The following TFB2M variants were observed in gnomAD, a reference collection of about 807,000 sequenced individuals.
The protein encoded by TFB2M is dimethyladenosine transferase 2, mitochondrial.
A neutral mutation model predicts 41.3 loss-of-function variants in TFB2M; 44 were observed. That is an observed-to-expected ratio of 1.07 (90% CI 0.84 to 1.37). The LOEUF (loss-of-function observed/expected upper bound fraction) is 1.37, where lower values mean the gene tolerates loss of function less well. Among genes scored for constraint, TFB2M ranks in the 40% most tolerant of loss-of-function variants. The probability of loss-of-function intolerance (pLI) is 0.00; values close to 1 mark genes in which losing one functional copy is unlikely to be tolerated. For synonymous variants in TFB2M, 188 were observed against 176.8 expected (o/e 1.06, Z -0.50); for missense variants, 496 against 490.2 (o/e 1.01, Z -0.11).
chr1:246,558,455 TTTC>T (rs1659380020), intron 2 of TFB2M, among the ~76,000 whole-genome samples: 1 of 152,114 alleles, frequency 6.6e-6, no homozygotes, highest in African/African-American at 2.4e-5. Flanking sequence ...CCCCACTTAC[TTTC>T]TTTATCATAA....
At chr1:246,557,052 T>C (rs540390578) in intron 3 of TFB2M, among the ~76,000 whole-genome samples, 7 of 152,028 alleles carry the variant, frequency 4.6e-5, no homozygotes, top group Middle Eastern at 3.2e-3. Context: ...AGCGGGCAGA[T>C]CACTTGAGGG....
At chr1:246,552,375 C>T (rs1306848117) in intron 4 of TFB2M, among the ~76,000 whole-genome samples, 1 of 152,194 alleles carries the variant, frequency 6.6e-6, no homozygotes, top group Non-Finnish European at 1.5e-5. Flanking sequence ...TCAAGGTTGT[C>T]AGGAAGACCT....
intron 3 of TFB2M, 38 bp downstream of exon 3, chr1:246,557,343 A>C (rs529235893): frequency 6.3e-7 from 1 of 1,591,244 alleles, no homozygotes; most frequent in African/African-American, 1.4e-5. Context: ...ACACCTGGCA[A>C]ATTCTAGGTA....
rs142564283 is a variant in TFB2M, at chr1:246,551,665, G to A, written c.706-363C>T. Among the ~76,000 whole-genome samples, 220 of 151,912 alleles carry A rather than the reference G, an allele frequency of 1.4e-3. 3 individuals are homozygous for A. The highest frequency in any genetic ancestry group is 5.1e-3 in the African/African-American group (211 of 41,494). The stretch of plus-strand genomic sequence containing the variant: ...GAGCCTAGAAGTTCAAGACCAGCCT[G>A]GGCAACATAGTGAGACCGCATCTCT... On this transcript the variant is annotated intron_variant, in intron 4 of 7. Coordinates refer to ENST00000366514, the MANE Select transcript of TFB2M (RefSeq NM_022366.3).
chr1:246,555,793 A>G (rs1659305993), intron 4 of TFB2M, among the ~76,000 whole-genome samples: 1 of 151,788 alleles, frequency 6.6e-6, no homozygotes, highest in Non-Finnish European at 1.5e-5. Flanking sequence ...ATATATATAC[A>G]ATAGATTTTT....
rs143882766 is a variant in TFB2M, at chr1:246,541,046, G to A, written c.1176C>T (p.Thr392=). The part of the protein sequence containing the change: ...DCAYKWLYDE[T]LEDR ...AGTCTAGTTGCTACCTATCTTCCAG[G>A]GTTTCATCATACAGCCATTTATAAG... The change falls in exon 8 of 8, where the codon ACC becomes ACT. Residue 392 remains threonine (T), a synonymous_variant. Coordinates refer to ENST00000366514, the MANE Select transcript of TFB2M (RefSeq NM_022366.3). The A allele has an allele frequency of 3.3e-3, 5,256 of 1,610,744 alleles. 13 individuals are homozygous for A. The highest frequency in any genetic ancestry group is 3.8e-3 in the Non-Finnish European group (4,426 of 1,178,444).
chr1:246,554,332 T>A (rs1659263548), intron 4 of TFB2M, among the ~76,000 whole-genome samples: 1 of 152,160 alleles, frequency 6.6e-6, no homozygotes. Flanking sequence ...CCGTGTCCTG[T>A]TAGAAACTGG....
rs572375552 is a variant in TFB2M, at chr1:246,553,681, C to T, written c.706-2379G>A. Among the ~76,000 whole-genome samples, 50 of 152,156 alleles carry T rather than the reference C, an allele frequency of 3.3e-4. 2 individuals are homozygous for T. The South Asian group carries it at 0.01, about 32-fold the overall frequency. On this transcript the variant is annotated intron_variant, in intron 4 of 7. Coordinates refer to ENST00000366514, the MANE Select transcript of TFB2M (RefSeq NM_022366.3). ...ACCCTGTGTCAAACAAAAATGAAAA[C>T]AACAACAACAACAAAACCCACAAAT... is the stretch of plus-strand genomic sequence containing the variant.
intron 4 of TFB2M, among the ~76,000 whole-genome samples, chr1:246,552,364 A>T (rs1241897936): frequency 1.3e-5 from 2 of 152,222 alleles, no homozygotes; most frequent in African/African-American, 4.8e-5. Context: ...TCATAGCGAG[A>T]TCAAGGTTGT....
intron 2 of TFB2M, 110 bp from the exon 3 acceptor site, chr1:246,557,644 T>C (rs1223896591): frequency 8.6e-6 from 8 of 925,816 alleles, no homozygotes; most frequent in South Asian, 2.1e-5. Context: ...AAAATAAAAA[T>C]AATTCAATTA....
At chr1:246,547,949 T>A (rs1335357181) in intron 6 of TFB2M, among the ~76,000 whole-genome samples, 1 of 24,520 alleles carries the variant, frequency 4.1e-5, no homozygotes, top group Non-Finnish European at 2.4e-4. Flanking sequence ...TATCACAATT[T>A]TTTTTTTTTT....
chr1:246,546,983 A>ACACACACACACACACACACACACACTT (rs764498048), intron 6 of TFB2M, among the ~76,000 whole-genome samples: 1 of 127,180 alleles, frequency 7.9e-6, no homozygotes, highest in African/African-American at 3.0e-5. Flanking sequence ...ACACACACAC[A>ACACACACACACACACACACACACACTT]TTTTTTTTTT....
At chr1:246,553,847 C>G (rs1659246498) in intron 4 of TFB2M, among the ~76,000 whole-genome samples, 1 of 152,176 alleles carries the variant, frequency 6.6e-6, no homozygotes, top group African/African-American at 2.4e-5. Flanking sequence ...ACAGAAAAAT[C>G]CAGCCTAAAA....
At chr1:246,546,903 C>A (rs988786624) in intron 6 of TFB2M, among the ~76,000 whole-genome samples, 1 of 151,186 alleles carries the variant, frequency 6.6e-6, no homozygotes, top group Admixed American at 6.6e-5. Flanking sequence ...AAAATAAATT[C>A]TGTCATAAAA....
chr1:246,557,125 A>C (rs1659344718), intron 3 of TFB2M, among the ~76,000 whole-genome samples: 1 of 152,086 alleles, frequency 6.6e-6, no homozygotes, highest in Non-Finnish European at 1.5e-5. Context: ...AATACAAAAA[A>C]ATAACCAGGT....
At position 246,548,549 on chromosome 1, in the gene TFB2M, C is replaced by G; in HGVS notation, c.854G>C (p.Arg285Pro). ...AAGGTATTATTTTATTCTTACCCTACGCTTTGGGTTTTCCAGCGGCCCTTT... is the reference window on the plus strand; with the variant it reads ...AAGGTATTATTTTATTCTTACCCTAGGCTTTGGGTTTTCCAGCGGCCCTTT... ...TRKGPLENPKRRELLDQLQQK... is the reference protein window; with the variant it reads ...TRKGPLENPKPRELLDQLQQK... The change falls in exon 6 of 8, where the codon CGT (arginine) becomes CCT (proline). Residue 285 changes from arginine to proline, a missense_variant. By Grantham distance (103) the Arg-to-Pro change is moderately radical. Coordinates refer to ENST00000366514, the MANE Select transcript of TFB2M (RefSeq NM_022366.3). The G allele has an allele frequency of 6.2e-7, 1 of 1,613,106 alleles. No individual in the cohort carries two copies. The highest frequency in any genetic ancestry group is 1.1e-5 in the South Asian group (1 of 91,028).
intron 2 of TFB2M, among the ~76,000 whole-genome samples, chr1:246,562,219 A>G (rs919790433): frequency 2.6e-5 from 4 of 152,200 alleles, no homozygotes; most frequent in African/African-American, 7.2e-5. Context: ...GCCATTCTGC[A>G]TGGTTTCACA....
At chr1:246,555,893 T>C (rs929763698) in intron 4 of TFB2M, among the ~76,000 whole-genome samples, 1 of 152,036 alleles carries the variant, frequency 6.6e-6, no homozygotes, top group Non-Finnish European at 1.5e-5. Context: ...CAGGTTCAAG[T>C]GATTCTCCTG....
intron 6 of TFB2M, among the ~76,000 whole-genome samples, chr1:246,545,812 G>GAAAAAA (rs869274564): frequency 7.6e-5 from 4 of 52,704 alleles, no homozygotes; most frequent in Admixed American, 6.0e-4. Flanking sequence ...ACCCTGATTC[G>GAAAAAA]AAAAAAAAAA....
Sources: allele counts gnomAD v4.1 joint callset (sites outside exome capture counted in the v4.1 genomes callset), GRCh38; gene constraint gnomAD v4.1.1; transcripts MANE v1.5; gene names NCBI Gene and HGNC (gene_info 2026-07-23, HGNC 2026-07-21).